CAPN2: variants seen among roughly 807,000 people sequenced by gnomAD.
CAPN2 encodes the protein calpain-2 catalytic subunit.
CAPN2 carries 92 observed loss-of-function variants against 102.3 expected under a neutral mutation model. The observed-to-expected ratio is 0.90, with a 90% CI of 0.76 to 1.07. The LOEUF (loss-of-function observed/expected upper bound fraction) is 1.07. CAPN2 is among the 50% of genes least tolerant of loss of function. The pLI is 0.00. For synonymous variants in CAPN2, 340 were observed against 355.4 expected (o/e 0.96, Z 0.49); for missense variants, 800 against 909.4 (o/e 0.88, Z 1.55).
intron 14 of CAPN2, among the ~76,000 whole-genome samples, chr1:223,763,712 TTTA>T (rs1489484274): frequency 1.3e-5 from 2 of 152,106 alleles, no homozygotes; most frequent in East Asian, 3.9e-4. Context: ...GAGGGGAGTA[TTTA>T]TTATTTATAT....
chr1:223,752,727 T>C, intron 8 of CAPN2, 69 bp from the exon 9 acceptor site: 3 of 1,514,568 alleles, frequency 2.0e-6, no homozygotes, highest in Non-Finnish European at 2.7e-6. Context: ...TGGTCTGGTG[T>C]TGGTGGAAAG....
In CAPN2 at chr1:223,712,564, C is replaced by G. The variant is rs1659758016; in HGVS notation, c.-77C>G. 4 of 1,342,408 alleles carry G rather than the reference C, an allele frequency of 3.0e-6. No individual in the cohort carries two copies. Among genetic ancestry groups the G allele is most frequent in the Admixed American group, 4.1e-5 (1 of 24,592 alleles). 83.2% of individuals were successfully genotyped at this position (1,342,408 alleles called of 1,614,324 possible). A position where few individuals can be genotyped will look rare whatever the true frequency, so the allele number is the denominator to read the frequency against. On this transcript the variant is annotated 5_prime_UTR_variant, in exon 1 of 21. Coordinates refer to ENST00000295006, the MANE Select transcript of CAPN2 (RefSeq NM_001748.5). ...AGTGGCCGCAGCAGCGCGCCGGGCC[C>G]TGGCCGCGCCCCAGCCGAGCGCAGC...
chr1:223,762,253 T>A lies in CAPN2; in HGVS notation c.1632+2T>A. 1 of 1,611,464 alleles carries A rather than the reference T, an allele frequency of 6.2e-7. No homozygotes were observed. ...CTGTTTGCCCAGTTGGCAGGAGAGG[T>A]AAATGTTCCCAAAAACGATGTTATG... On this transcript the variant is annotated splice_donor_variant, in intron 14 of 20. Coordinates refer to ENST00000295006, the MANE Select transcript of CAPN2 (RefSeq NM_001748.5). LOFTEE classifies it high-confidence loss of function.
chr1:223,763,884 G>A (rs1661246835), intron 14 of CAPN2, among the ~76,000 whole-genome samples: 1 of 152,166 alleles, frequency 6.6e-6, no homozygotes, highest in African/African-American at 2.4e-5. Flanking sequence ...AGGTTTCAGT[G>A]AGCTAGGATC....
chr1:223,738,446 C>T (rs1444353063), intron 2 of CAPN2, among the ~76,000 whole-genome samples: 10 of 152,214 alleles, frequency 6.6e-5, no homozygotes, highest in Non-Finnish European at 1.5e-5. Context: ...GCTAGAATTA[C>T]AGGCATGAGC....
rs1166753393 is a variant in CAPN2 at position 223,725,217 on chromosome 1, A to C, written c.307+7386A>C. On this transcript the variant is annotated intron_variant, in intron 2 of 20. Coordinates refer to ENST00000295006, the MANE Select transcript of CAPN2 (RefSeq NM_001748.5). This position sits in a 1 kb window ranked among gnomAD's most constrained non-coding sequence, Gnocchi z 4.1. ...GAAAACCCATCTCTACAAAACTACA[A>C]TATGAAATACAAACAATTAGCCGGG... Among the ~76,000 whole-genome samples, 4 of 152,076 alleles carry C rather than the reference A, an allele frequency of 2.6e-5. No homozygotes were observed. The highest frequency in any genetic ancestry group is 5.9e-5 in the Non-Finnish European group (4 of 68,018).
intron 5 of CAPN2, among the ~76,000 whole-genome samples, chr1:223,748,268 C>A (rs1386546334): frequency 6.6e-6 from 1 of 152,214 alleles, no homozygotes; most frequent in Non-Finnish European, 1.5e-5. Context: ...AACCTCTGAG[C>A]CCTGTCCCAT....
At position 223,759,150 on chromosome 1, in the gene CAPN2, A is replaced by G. The variant is rs1661118681; in HGVS notation, c.1318-120A>G. 3 of 930,890 alleles carry G rather than the reference A, an allele frequency of 3.2e-6. No individual in the cohort carries two copies. The highest frequency in any genetic ancestry group is 1.4e-5 in the South Asian group (1 of 71,086). 57.7% of individuals were successfully genotyped at this position (930,890 alleles called of 1,614,324 possible). A position where few individuals can be genotyped will look rare whatever the true frequency, so the allele number is the denominator to read the frequency against. ...GACGCCTGGCCTCGCCTCCTTATAC[A>G]CCAGGACAGCAGGACTGAGCCACCA... On this transcript the variant is annotated intron_variant, in intron 11 of 20. Coordinates refer to ENST00000295006, the MANE Select transcript of CAPN2 (RefSeq NM_001748.5). The surrounding 1 kb of genome is among the most constrained non-coding windows in gnomAD (Gnocchi z 4.6).
intron 2 of CAPN2, among the ~76,000 whole-genome samples, chr1:223,722,201 A>G (rs750590484): frequency 9.2e-5 from 14 of 151,798 alleles, no homozygotes; most frequent in Non-Finnish European, 1.9e-4. Flanking sequence ...TCAGATGTGC[A>G]TTCCTCAATT....
At position 223,755,562 on chromosome 1, in the gene CAPN2, C is replaced by T. The variant is rs1368006957; in HGVS notation, c.1218C>T (p.Thr406=). 2.5e-6 allele frequency: 4 copies of T among 1,614,004 alleles called. No individual in the cohort carries two copies. The highest frequency in any genetic ancestry group is 3.4e-6 in the Non-Finnish European group (4 of 1,179,946). Residue 406 remains threonine, a synonymous_variant, in exon 10 of 21, where the codon ACC becomes ACT. Transcript: ENST00000295006. This position sits in a 1 kb window ranked among gnomAD's most constrained non-coding sequence, Gnocchi z 4.1. Reference sequence around the variant, plus strand: ...AGGAGGATGGGGAGAGCGGCTGCACCTTCCTGGTGGGGCTCATTCAGAAGC... The same window carrying T: ...AGGAGGATGGGGAGAGCGGCTGCACTTTCCTGGTGGGGCTCATTCAGAAGC... The part of the protein sequence containing the change: ...EDEEDGESGC[T]FLVGLIQKHR...
intron 1 of CAPN2, among the ~76,000 whole-genome samples, chr1:223,703,938 T>C (rs7554961): frequency 1 from 152,065 of 152,326 alleles, 75,902 homozygotes; most frequent in Middle Eastern, 1. Context: ...CATCCACACA[T>C]GCCACAGACC....
intron 20 of CAPN2, among the ~76,000 whole-genome samples, chr1:223,773,767 A>AATC (rs2102819276): frequency 6.6e-6 from 1 of 152,128 alleles, no homozygotes; most frequent in East Asian, 1.9e-4. Context: ...GAGGCAGGAG[A>AATC]ATCACATGAA....
At chr1:223,706,939 G>C (rs1659618677) in intron 1 of CAPN2, among the ~76,000 whole-genome samples, 1 of 151,930 alleles carries the variant, frequency 6.6e-6, no homozygotes, top group African/African-American at 2.4e-5. Flanking sequence ...AATTAGCTGG[G>C]CATGGCAGTG....
chr1:223,769,482 G>A (rs115584699), intron 16 of CAPN2, among the ~76,000 whole-genome samples: 1,722 of 152,028 alleles, frequency 0.011, 44 homozygotes, highest in African/African-American at 0.04. Context: ...CTTCACCAAA[G>A]GCCTCTTAGA....
chr1:223,749,021 C>G lies in CAPN2; in HGVS notation c.730-18C>G. ...GGGAGAGCGGGTGCGGCCAGTCTGA[C>G]GGTTGCTGTGTTTGCAGATCACCAG... On this transcript the variant is annotated intron_variant, in intron 5 of 20. Transcript: ENST00000295006. 6.2e-7 allele frequency: 1 copy of G among 1,610,272 alleles called. No individual in the cohort carries two copies. The highest frequency in any genetic ancestry group is 1.3e-5 in the African/African-American group (1 of 74,956).
rs564453006 is a variant in CAPN2 at position 223,715,555 on chromosome 1, G to A, written c.238-2207G>A. On this transcript the variant is annotated intron_variant, in intron 1 of 20. Coordinates refer to ENST00000295006, the MANE Select transcript of CAPN2 (RefSeq NM_001748.5). ...AGGAGCTGCTCTTCCTCGGAGAGAG[G>A]ATTTCACAACACTGGCAAGAGTGGC... Among the ~76,000 whole-genome samples the A allele has an allele frequency of 3.3e-5, 5 of 152,224 alleles. No homozygotes were observed. In the South Asian group the frequency reaches 1.0e-3, roughly 32 times the overall value.
intron 20 of CAPN2, 96 bp downstream of exon 20, chr1:223,772,335 TTTA>T: frequency 9.4e-7 from 1 of 1,063,468 alleles, no homozygotes; most frequent in Admixed American, 1.8e-5. Flanking sequence ...CAAGTTTTGC[TTTA>T]AAGAGCTCTT....
chr1:223,742,683 C>A lies in CAPN2; in HGVS notation c.308-1417C>A, dbSNP rs548616568. On this transcript the variant is annotated intron_variant, in intron 2 of 20. Coordinates refer to ENST00000295006, the MANE Select transcript of CAPN2 (RefSeq NM_001748.5). ...TACAGGTGTCTACCACCACACCTGG[C>A]AAATTTTTGTATTTTTTTGTCGAGA... 6.6e-5 allele frequency among the ~76,000 whole-genome samples: 9 copies of A among 136,538 alleles called. No individual in the cohort carries two copies. In the South Asian group the frequency reaches 1.7e-3, roughly 26 times the overall value. The allele number at this position is 136,538 out of a possible 152,430, so 89.6% of individuals were successfully genotyped here. A position where few individuals can be genotyped will look rare whatever the true frequency, so the allele number is the denominator to read the frequency against.
intron 1 of CAPN2, among the ~76,000 whole-genome samples, chr1:223,702,686 G>A (rs1405476594): frequency 6.6e-6 from 1 of 152,146 alleles, no homozygotes; most frequent in African/African-American, 2.4e-5. Context: ...GAAGCAGCCC[G>A]GCCAGTGGAA....
Sources: gnomAD v4.1 joint callset for allele counts (sites outside exome capture counted in the v4.1 genomes callset) on GRCh38, gnomAD v4.1.1 for gene constraint, Gnocchi (gnomAD v3.1) non-coding constraint, MANE v1.5 for transcripts, NCBI Gene and HGNC (gene_info 2026-07-23, HGNC 2026-07-21) for gene names.